Variants in PTPRQ observed in about 807,000 individuals in gnomAD.
PTPRQ encodes the protein protein tyrosine phosphatase receptor type Q.
PTPRQ carries 199 observed loss-of-function variants against 246.0 expected under a neutral mutation model. The ratio of observed to expected loss-of-function variants is 0.81; its 90% CI spans 0.72 to 0.91. The LOEUF (loss-of-function observed/expected upper bound fraction) is 0.91. Ranked by LOEUF, PTPRQ falls within the 40% of genes least tolerant of loss-of-function variation. The pLI, the probability that PTPRQ is intolerant of heterozygous loss-of-function variation, is 0.00. For synonymous variants in PTPRQ, 869 were observed against 853.2 expected, an observed-to-expected ratio of 1.02 and a Z score of -0.32; for missense variants, 2,624 against 2,528.4, an observed-to-expected ratio of 1.04 and a Z score of -0.81.
Position 80,534,018 on chromosome 12 carries a change from T to C in PTPRQ, c.2682T>C (p.Asn894=), listed in dbSNP as rs1414759654. The part of the protein sequence containing the change: ...IILYYTVYVW[N]RSSLKTINVT... Reference sequence around the variant, plus strand: ...GATAATATTCTTTTTATCTCAGGAATAGATCATCATTAAAAACTATTAATG... The same window carrying C: ...GATAATATTCTTTTTATCTCAGGAACAGATCATCATTAAAAACTATTAATG... Residue 894 remains asparagine (N), a synonymous_variant, in exon 18 of 45, where the codon AAT becomes AAC. Transcript: ENST00000644991. 1 of 1,490,976 alleles carries C rather than the reference T, an allele frequency of 6.7e-7. No individual in the cohort carries two copies. The highest frequency in any genetic ancestry group is 2.5e-5 in the Admixed American group (1 of 40,146). The allele number at this position is 1,490,976 out of a possible 1,614,324, so 92.4% of individuals were successfully genotyped here.
At chr12:80,673,069 A>T in intron 42 of PTPRQ, 100 bp from the exon 43 acceptor site, 2 of 1,440,978 alleles carry the variant, frequency 1.4e-6, no homozygotes, top group South Asian at 1.5e-5. Flanking sequence ...AAGAGAAGAA[A>T]CTATTAGAAT....
intron 25 of PTPRQ, among the ~76,000 whole-genome samples, chr12:80,558,133 C>CTTTTCT (rs1896707143): frequency 1.9e-5 from 2 of 106,268 alleles, no homozygotes; most frequent in Non-Finnish European, 3.4e-5. Context: ...CTTTTCTTTT[C>CTTTTCT]TTTTCTTTTC....
chr12:80,651,826 G>C (rs1900268230), intron 37 of PTPRQ, among the ~76,000 whole-genome samples: 1 of 151,890 alleles, frequency 6.6e-6, no homozygotes, highest in Non-Finnish European at 1.5e-5. Flanking sequence ...AATTTTGTAA[G>C]CCTTTGGTGC....
At chr12:80,463,331 G>C (rs1893268853) in intron 6 of PTPRQ, among the ~76,000 whole-genome samples, 1 of 152,154 alleles carries the variant, frequency 6.6e-6, no homozygotes. Flanking sequence ...AGAATAAAAA[G>C]AAATGAACAA....
intron 26 of PTPRQ, among the ~76,000 whole-genome samples, chr12:80,594,672 A>G (rs1897910506): frequency 6.6e-6 from 1 of 152,098 alleles, no homozygotes; most frequent in Non-Finnish European, 1.5e-5. Flanking sequence ...TGTTCAAACT[A>G]GTTATCTAGA....
At position 80,496,108 on chromosome 12, in the gene PTPRQ, T is replaced by C; in HGVS notation, c.1990+2T>C. The C allele has an allele frequency of 6.5e-7, 1 of 1,545,926 alleles. No homozygotes were observed. Among genetic ancestry groups the C allele is most frequent in the South Asian group, 1.2e-5 (1 of 82,500 alleles). On this transcript the variant is annotated splice_donor_variant, in intron 13 of 44. Coordinates refer to ENST00000644991, the MANE Select transcript of PTPRQ (RefSeq NM_001145026.2). LOFTEE classifies it high-confidence loss of function. ...TCTTTGTGAGAACTTCAGAAGATGGTAAGAATATCAATTGCAGCTTTAATT... is the reference window on the plus strand; with the variant it reads ...TCTTTGTGAGAACTTCAGAAGATGGCAAGAATATCAATTGCAGCTTTAATT...
intron 25 of PTPRQ, among the ~76,000 whole-genome samples, chr12:80,556,323 C>T (rs917621585): frequency 2.6e-5 from 4 of 152,172 alleles, no homozygotes; most frequent in Non-Finnish European, 4.4e-5. Flanking sequence ...GCCACCATGC[C>T]TGGCCTTGAA....
chr12:80,445,784 T>C, intron 3 of PTPRQ, 67 bp downstream of exon 3: 2 of 1,109,906 alleles, frequency 1.8e-6, no homozygotes, highest in Non-Finnish European at 2.7e-6. Context: ...GTGGGAGGTT[T>C]TTCTCACCTT....
intron 25 of PTPRQ, among the ~76,000 whole-genome samples, chr12:80,562,164 A>G (rs1896847271): frequency 1.3e-5 from 2 of 152,120 alleles, no homozygotes; most frequent in African/African-American, 4.8e-5. Flanking sequence ...GCATTGATGT[A>G]TGTGTATATA....
chr12:80,676,024 T>C (rs978721377), intron 43 of PTPRQ, among the ~76,000 whole-genome samples: 2 of 152,154 alleles, frequency 1.3e-5, no homozygotes, highest in Non-Finnish European at 2.9e-5. Flanking sequence ...TTTTTCTGAT[T>C]CTCTCCTTGC....
At chr12:80,549,940 G>C (rs1166045485) in intron 25 of PTPRQ, among the ~76,000 whole-genome samples, 1 of 151,650 alleles carries the variant, frequency 6.6e-6, no homozygotes, top group Non-Finnish European at 1.5e-5. Flanking sequence ...GAGATTGAAG[G>C]GAGGAAAAAA....
intron 31 of PTPRQ, 140 bp from the exon 32 acceptor site, chr12:80,620,014 A>G: frequency 9.2e-7 from 1 of 1,085,662 alleles, no homozygotes. Context: ...CTGCCTATAC[A>G]GGTGGATCAC....
intron 26 of PTPRQ, among the ~76,000 whole-genome samples, chr12:80,596,500 T>C (rs531238391): frequency 2.0e-3 from 303 of 152,112 alleles, no homozygotes; most frequent in South Asian, 3.3e-3. Flanking sequence ...TCCCCATTAA[T>C]AGCTTAGCTG....
chr12:80,635,595 C>A (rs1899616524), intron 35 of PTPRQ, among the ~76,000 whole-genome samples: 2 of 151,860 alleles, frequency 1.3e-5, no homozygotes, highest in African/African-American at 4.8e-5. Context: ...TAAAAAGTTA[C>A]CTTCAGAGGG....
intron 3 of PTPRQ, among the ~76,000 whole-genome samples, chr12:80,450,485 G>T (rs966126183): frequency 1.3e-5 from 2 of 152,142 alleles, no homozygotes; most frequent in South Asian, 2.1e-4. Context: ...TCTGGTTTTT[G>T]CCCATTCAGT....
intron 25 of PTPRQ, among the ~76,000 whole-genome samples, chr12:80,569,208 G>A (rs994781986): frequency 6.7e-5 from 10 of 149,662 alleles, no homozygotes; most frequent in South Asian, 4.2e-4. Context: ...GAGAATATGC[G>A]GTGTTTGGTT....
intron 20 of PTPRQ, among the ~76,000 whole-genome samples, chr12:80,541,288 C>A (rs1185796290): frequency 2.0e-5 from 3 of 151,710 alleles, no homozygotes; most frequent in African/African-American, 7.3e-5. Context: ...CACACAATCT[C>A]CACATAGTAG....
rs1226656590 is a variant in PTPRQ, at chr12:80,588,239, A to T, written c.4396A>T (p.Thr1466Ser). ...ILGYFQNYKI[T>S]TQLRAQKCKE... ...TGGCTACTTTCAAAATTACAAAATTACCACTCAACTTCGTGCTCAAAAATG... is the reference window on the plus strand; with the variant it reads ...TGGCTACTTTCAAAATTACAAAATTTCCACTCAACTTCGTGCTCAAAAATG... The change falls in exon 26 of 45, where the codon ACC becomes TCC. Residue 1466 changes from threonine to serine, a missense_variant. Thr to Ser is a moderately conservative substitution (Grantham distance 58, BLOSUM62 1). Coordinates refer to ENST00000644991, the MANE Select transcript of PTPRQ (RefSeq NM_001145026.2). The T allele has an allele frequency of 6.4e-7, 1 of 1,551,674 alleles. No individual in the cohort carries two copies. The highest frequency in any genetic ancestry group is 2.4e-5 in the East Asian group (1 of 40,904).
Position 80,610,588 on chromosome 12 carries a change from G to A in PTPRQ, c.4881G>A (p.Lys1627=). Residue 1627 remains lysine, a synonymous_variant, in exon 28 of 45, where the codon AAG becomes AAA. Coordinates refer to ENST00000644991, the MANE Select transcript of PTPRQ (RefSeq NM_001145026.2). ...GNISAAYVEG[K]SSAEMIVTTL... is the part of the protein sequence containing the mutation. ...TTAGTGCTGCATATGTAGAAGGGAA[G>A]TCAAGTGCTGAAATGATTGTTACTA... 6.5e-7 allele frequency: 1 copy of A among 1,543,518 alleles called. No individual in the cohort carries two copies. Among genetic ancestry groups the A allele is most frequent in the Non-Finnish European group, 8.8e-7 (1 of 1,141,310 alleles).
Sources: allele counts gnomAD v4.1 joint callset (sites outside exome capture counted in the v4.1 genomes callset), GRCh38; gene constraint gnomAD v4.1.1; transcripts MANE v1.5; gene names NCBI Gene and HGNC (gene_info 2026-07-23, HGNC 2026-07-21).